SAMD8: variants seen among roughly 807,000 people sequenced by gnomAD.
The protein encoded by SAMD8 is sphingomyelin synthase-related protein 1.
Under a neutral mutation model 42.0 loss-of-function variants are expected in SAMD8, and 20 were observed. The ratio of observed to expected loss-of-function variants is 0.48; its 90% confidence interval spans 0.34 to 0.69. The LOEUF is 0.69. SAMD8 is among the 30% of genes least tolerant of loss of function. The pLI is 0.01. For missense variants in SAMD8, 328 were observed against 511.6 expected (o/e 0.64, Z 3.46); for synonymous variants, 162 against 173.0 (o/e 0.94, Z 0.50).
At chr10:75,099,625 C>T (rs1564659988) in exon 1 of SAMD8, 12 of 1,066,496 alleles carry the variant, frequency 1.1e-5, no homozygotes, top group Middle Eastern at 3.4e-4. Context: ...GTGGGCCCTC[C>T]GGTCCCTCTA....
In SAMD8 at chr10:75,151,184, A is replaced by G; in HGVS notation, c.578+78A>G. On this transcript the variant is annotated intron_variant, in intron 2 of 5. Transcript: ENST00000542569. Reference sequence around the variant, plus strand: ...CAATGATACTATATTTATGATAATTATATTGTTTCTTATTGTGGTAGATGT... The same window carrying G: ...CAATGATACTATATTTATGATAATTGTATTGTTTCTTATTGTGGTAGATGT... 3 of 733,598 alleles carry G rather than the reference A, an allele frequency of 4.1e-6. No individual in the cohort carries two copies. In the South Asian group the frequency reaches 9.1e-5, roughly 22 times the overall value. The allele number at this position is 733,598 out of a possible 1,614,324, so 45.4% of individuals were successfully genotyped here. A position where few individuals can be genotyped will look rare whatever the true frequency, so the allele number is the denominator to read the frequency against.
chr10:75,118,594 A>T (rs975026836), intron 1 of SAMD8, among the ~76,000 whole-genome samples: 28 of 152,232 alleles, frequency 1.8e-4, no homozygotes, highest in African/African-American at 6.5e-4. Flanking sequence ...CAGTGGGCTG[A>T]GATCACGCCG....
At chr10:75,128,105 C>A (rs1442270704) in intron 1 of SAMD8, among the ~76,000 whole-genome samples, 1 of 131,202 alleles carries the variant, frequency 7.6e-6, no homozygotes, top group African/African-American at 2.9e-5. Flanking sequence ...GAGACAGAGT[C>A]GCTGTCACCT....
In SAMD8 at chr10:75,132,166, ACT is replaced by A. The variant is rs1849288129; in HGVS notation, c.-15-18343_-15-18342del. The stretch of plus-strand genomic sequence containing the variant: ...TGCAAACAACCTTTTCTAGACAGGT[ACT>A]CTCTGCTCTGTGGCACTGATGTTAC... On this transcript the variant is annotated intron_variant, in intron 1 of 5. Transcript: ENST00000542569. Among the ~76,000 whole-genome samples the A allele has an allele frequency of 2.6e-5, 4 of 152,288 alleles. No homozygotes were observed. The South Asian group carries it at 8.3e-4, about 32-fold the overall frequency.
intron 1 of SAMD8, among the ~76,000 whole-genome samples, chr10:75,149,467 C>A (rs903883938): frequency 1.3e-5 from 2 of 152,050 alleles, no homozygotes; most frequent in Non-Finnish European, 2.9e-5. Context: ...GAATAAAATG[C>A]CCTATTCAGT....
intron 1 of SAMD8, among the ~76,000 whole-genome samples, chr10:75,138,150 C>T (rs1349072830): frequency 6.6e-6 from 1 of 152,064 alleles, no homozygotes; most frequent in Non-Finnish European, 1.5e-5. Flanking sequence ...ACATTTGAAT[C>T]CTAGTAGCAA....
At chr10:75,104,490 G>A (rs1487519115) in intron 1 of SAMD8, among the ~76,000 whole-genome samples, 4 of 152,262 alleles carry the variant, frequency 2.6e-5, no homozygotes, top group Non-Finnish European at 5.9e-5. Context: ...GAAAGATGCT[G>A]AGGTCAGAGG....
At chr10:75,146,413 T>TAGC (rs753081103) in intron 1 of SAMD8, among the ~76,000 whole-genome samples, 6 of 151,056 alleles carry the variant, frequency 4.0e-5, no homozygotes, top group Non-Finnish European at 8.8e-5. Flanking sequence ...GCCTCCCAAG[T>TAGC]AGCTGGGATT....
At chr10:75,103,380 C>T (rs1183960325) in intron 1 of SAMD8, among the ~76,000 whole-genome samples, 1 of 152,068 alleles carries the variant, frequency 6.6e-6, no homozygotes, top group Non-Finnish European at 1.5e-5. Context: ...CTTCAGACAG[C>T]CCTGGGCTGC....
At chr10:75,109,324 C>T (rs979086311), upstream of SAMD8, 3 of 625,006 alleles carry the variant, frequency 4.8e-6, no homozygotes, top group Non-Finnish European at 7.5e-6. Context: ...AGCCTCCCCC[C>T]ACCCCCAAAC....
Position 75,168,540 on chromosome 10 carries a change from G to T in SAMD8, c.675-1G>T. 1 of 1,612,668 alleles carries T rather than the reference G, an allele frequency of 6.2e-7. No individual in the cohort carries two copies. Among genetic ancestry groups the T allele is most frequent in the South Asian group, 1.1e-5 (1 of 91,036 alleles). ...CCCCCTTTTTGGTTGATCTGTTACA[G>T]GTCAATACTTCTGCGAAGGCTCTGT... is the stretch of plus-strand genomic sequence containing the variant. On this transcript the variant is annotated splice_acceptor_variant, in intron 3 of 5. Transcript: ENST00000542569. LOFTEE classifies it high-confidence loss of function.
At chr10:75,171,231 A>G (rs1444421613) in intron 4 of SAMD8, among the ~76,000 whole-genome samples, 1 of 131,026 alleles carries the variant, frequency 7.6e-6, no homozygotes, top group Non-Finnish European at 1.6e-5. Flanking sequence ...CAGTGGCACA[A>G]TCTCGGCTCA....
At chr10:75,138,389 T>A (rs907153593) in intron 1 of SAMD8, among the ~76,000 whole-genome samples, 1 of 152,214 alleles carries the variant, frequency 6.6e-6, no homozygotes, top group Non-Finnish European at 1.5e-5. Flanking sequence ...ACAAAGTCAT[T>A]ATCTCTTTTT....
chr10:75,153,375 C>T (rs1274478774), intron 2 of SAMD8, among the ~76,000 whole-genome samples: 3 of 151,894 alleles, frequency 2.0e-5, no homozygotes, highest in African/African-American at 4.8e-5. Flanking sequence ...TTCGAGAGGA[C>T]GAGGCTGGTG....
intron 1 of SAMD8, among the ~76,000 whole-genome samples, chr10:75,149,275 A>C (rs1840224063): frequency 6.6e-6 from 1 of 152,250 alleles, no homozygotes. Context: ...TTTACAATAA[A>C]AGAAGAACAT....
intron 2 of SAMD8, among the ~76,000 whole-genome samples, chr10:75,159,301 G>A (rs7918701): frequency 0.014 from 2,111 of 151,954 alleles, 51 homozygotes; most frequent in African/African-American, 0.048. Context: ...CAAGAGATCC[G>A]CTCATCTCAG....
chr10:75,175,817 G>A (rs1427969557), intron 4 of SAMD8: 1 of 924,344 alleles, frequency 1.1e-6, no homozygotes, highest in Non-Finnish European at 1.3e-6. Flanking sequence ...CCAAAGTGCT[G>A]GGATTACAGG....
chr10:75,126,234 G>A (rs902157590), intron 1 of SAMD8, among the ~76,000 whole-genome samples: 1 of 152,022 alleles, frequency 6.6e-6, no homozygotes, highest in Non-Finnish European at 1.5e-5. Flanking sequence ...TTTACCAACT[G>A]GAAATAACTT....
Position 75,150,833 on chromosome 10 carries a change from G to T in SAMD8, c.305G>T (p.Ser102Ile). The part of the protein sequence containing the change: ...SPMGSMTPFI[S>I]ALQSTDWLCN... Reference sequence around the variant, plus strand: ...ATGGGTTCCATGACCCCTTTCATCAGTGCTCTTCAGAGTACAGACTGGCTC... The same window carrying T: ...ATGGGTTCCATGACCCCTTTCATCATTGCTCTTCAGAGTACAGACTGGCTC... The change falls in exon 2 of 6, where the codon AGT becomes ATT. Residue 102 changes from serine (S) to isoleucine (I), a missense_variant. Ser to Ile is a moderately radical substitution (Grantham distance 142). This residue lies in a region of SAMD8 where 150 missense variants were observed against 186.0 expected (regional missense o/e 0.81). Coordinates refer to ENST00000542569, the MANE Select transcript of SAMD8 (RefSeq NM_001174156.2). 1 of 1,614,154 alleles carries T rather than the reference G, an allele frequency of 6.2e-7. No homozygotes were observed. The highest frequency in any genetic ancestry group is 8.5e-7 in the Non-Finnish European group (1 of 1,180,020).
Sources: allele counts gnomAD v4.1 joint callset (sites outside exome capture counted in the v4.1 genomes callset), GRCh38; gene constraint gnomAD v4.1.1; regional missense constraint gnomAD v4.1.1; transcripts MANE v1.5; gene names NCBI Gene and HGNC (gene_info 2026-07-23, HGNC 2026-07-21).